The following PRKCD variants were observed in gnomAD, a reference collection of about 807,000 sequenced individuals.
The protein encoded by PRKCD is protein kinase C delta type.
PRKCD carries 20 observed loss-of-function variants against 82.2 expected under a neutral mutation model. The observed-to-expected ratio is 0.24, with a 90% CI of 0.17 to 0.35. The LOEUF (loss-of-function observed/expected upper bound fraction) is 0.35, where lower values mean the gene tolerates loss of function less well. PRKCD is among the 10% of genes least tolerant of loss of function. The pLI, the probability that PRKCD is intolerant of heterozygous loss-of-function variation, is 1.00. For missense variants in PRKCD, 607 were observed against 899.0 expected (o/e 0.68, Z 4.15); for synonymous variants, 317 against 337.0 (o/e 0.94, Z 0.65).
Position 53,169,089 on chromosome 3 carries a change from G to A in PRKCD, c.-20+3874G>A, listed in dbSNP as rs903648932. On this transcript the variant is annotated intron_variant, in intron 2 of 18. Transcript: ENST00000330452. The surrounding 1 kb of genome is among the most constrained non-coding windows in gnomAD (Gnocchi z 4.7). ...TTGAGACTTGAGGACAGGCTGCAGCGGCAGACGGGATGGCCTTATTGTGTG... is the reference window on the plus strand; with the variant it reads ...TTGAGACTTGAGGACAGGCTGCAGCAGCAGACGGGATGGCCTTATTGTGTG... Among the ~76,000 whole-genome samples the A allele has an allele frequency of 2.4e-4, 36 of 152,090 alleles. No individual in the cohort carries two copies. The highest frequency in any genetic ancestry group is 8.7e-4 in the African/African-American group (36 of 41,380).
intron 11 of PRKCD, 83 bp downstream of exon 11, chr3:53,185,783 A>C: frequency 6.5e-7 from 1 of 1,545,188 alleles, no homozygotes; most frequent in Non-Finnish European, 8.9e-7. Flanking sequence ...TCCATTGTCA[A>C]GTGAGACATG....
intron 9 of PRKCD, among the ~76,000 whole-genome samples, chr3:53,184,147 A>G (rs1310937418): frequency 6.6e-6 from 1 of 151,792 alleles, no homozygotes; most frequent in African/African-American, 2.4e-5. Flanking sequence ...CCTGGCTAAC[A>G]TGGTGAAACC....
intron 2 of PRKCD, among the ~76,000 whole-genome samples, chr3:53,177,396 T>C (rs781812378): frequency 2.4e-4 from 37 of 152,164 alleles, no homozygotes; most frequent in Non-Finnish European, 4.9e-4. Context: ...GGCACACTGA[T>C]GTGGGCAGAG....
chr3:53,192,420 T>A lies in PRKCD; in HGVS notation c.*154T>A, dbSNP rs1330029165. 1.3e-6 allele frequency: 1 copy of A among 785,832 alleles called. No homozygotes were observed. The highest frequency in any genetic ancestry group is 2.1e-6 in the Non-Finnish European group (1 of 486,336). The allele number at this position is 785,832 out of a possible 1,614,324, so 48.7% of individuals were successfully genotyped here. ...CCGTCTGGCCGGGCTCTCATGGTAC[T>A]TCCTCTGTGAACTGTGTGTGAATCT... On this transcript the variant is annotated 3_prime_UTR_variant, in exon 19 of 19. Transcript: ENST00000330452.
intron 1 of PRKCD, among the ~76,000 whole-genome samples, chr3:53,164,899 AC>A (rs1702785512): frequency 6.6e-6 from 1 of 152,148 alleles, no homozygotes; most frequent in East Asian, 1.9e-4. Flanking sequence ...TCCAGCCCCT[AC>A]CATGGAGTGG....
intron 2 of PRKCD, among the ~76,000 whole-genome samples, chr3:53,171,840 G>T (rs1218894384): frequency 1.3e-5 from 2 of 152,220 alleles, no homozygotes; most frequent in Non-Finnish European, 2.9e-5. Context: ...GGAGTGGGCA[G>T]TCTGGAAGGC....
intron 2 of PRKCD, among the ~76,000 whole-genome samples, chr3:53,170,374 A>G (rs1476360292): frequency 6.6e-6 from 1 of 152,202 alleles, no homozygotes; most frequent in African/African-American, 2.4e-5. Flanking sequence ...GTGAGCCTGG[A>G]GCTCAAGGAA....
rs782031827 is a variant in PRKCD at position 53,179,757 on chromosome 3, A to G, written c.296A>G (p.Asn99Ser). The G allele has an allele frequency of 1.9e-6, 3 of 1,569,734 alleles. No homozygotes were observed. Among genetic ancestry groups the G allele is most frequent in the East Asian group, 2.4e-5 (1 of 42,034 alleles). ...CTGGCCGAGCGCTGCAAGAAGAACA[A>G]TGGCAAGGCTGAGTTCTGGGTAAGG... ...SVLAERCKKNNGKAEFWLDLQ... is the reference protein window; with the variant it reads ...SVLAERCKKNSGKAEFWLDLQ... Residue 99 changes from asparagine to serine, a missense_variant, in exon 4 of 19, where the codon AAT (asparagine) becomes AGT (serine). Asn to Ser is a conservative substitution (Grantham distance 46, BLOSUM62 1). Coordinates refer to ENST00000330452, the MANE Select transcript of PRKCD (RefSeq NM_006254.4).
chr3:53,192,282 C>T lies in PRKCD; in HGVS notation c.*16C>T. 1 of 1,612,990 alleles carries T rather than the reference C, an allele frequency of 6.2e-7. No homozygotes were observed. The highest frequency in any genetic ancestry group is 8.5e-7 in the Non-Finnish European group (1 of 1,179,154). On this transcript the variant is annotated 3_prime_UTR_variant, in exon 19 of 19. Coordinates refer to ENST00000330452, the MANE Select transcript of PRKCD (RefSeq NM_006254.4). ...GGAAGATTGAGGTTCCTGGACAGATCAGGCTAGCCCTGCCCTCCACCCACA... is the reference window on the plus strand; with the variant it reads ...GGAAGATTGAGGTTCCTGGACAGATTAGGCTAGCCCTGCCCTCCACCCACA...
chr3:53,162,874 A>C (rs892354347), intron 1 of PRKCD, among the ~76,000 whole-genome samples: 8 of 151,192 alleles, frequency 5.3e-5, no homozygotes, highest in African/African-American at 1.9e-4. Flanking sequence ...CTCATGTGTG[A>C]GTGTATCTGT....
At chr3:53,181,132 G>C in intron 4 of PRKCD, 75 bp from the exon 5 acceptor site, 1 of 1,512,558 alleles carries the variant, frequency 6.6e-7, no homozygotes, top group Non-Finnish European at 9.0e-7. Context: ...CAGCCATGGG[G>C]GTGGGTTCTG....
chr3:53,178,446 C>T lies in PRKCD; in HGVS notation c.24C>T (p.Ala8=). The part of the protein sequence containing the change: MAPFLRI[A]FNSYELGSLQ... The stretch of plus-strand genomic sequence containing the variant: ...CCATGGCGCCGTTCCTGCGCATCGC[C>T]TTCAACTCCTATGAGCTGGGCTCCC... Residue 8 remains alanine, a synonymous_variant, in exon 3 of 19, where the codon GCC becomes GCT. Coordinates refer to ENST00000330452, the MANE Select transcript of PRKCD (RefSeq NM_006254.4). The T allele has an allele frequency of 1.9e-6, 3 of 1,612,762 alleles. 1 individual carries two copies. The South Asian group carries it at 3.3e-5, about 18-fold the overall frequency.
chr3:53,189,773 G>A (rs1327449047), intron 17 of PRKCD, 100 bp from the exon 18 acceptor site: 4 of 1,545,630 alleles, frequency 2.6e-6, no homozygotes, highest in Non-Finnish European at 3.5e-6. Flanking sequence ...CTGGGGCTGG[G>A]GCAAGCCTGG....
Position 53,185,958 on chromosome 3 carries a change from G to A in PRKCD, c.1017G>A (p.Glu339=). Residue 339 remains glutamate, a synonymous_variant, in exon 12 of 19, where the codon GAG becomes GAA. Coordinates refer to ENST00000330452, the MANE Select transcript of PRKCD (RefSeq NM_006254.4). ...GTGGGACCTACGGCAAGATCTGGGA[G>A]GGCAGCAGCAAGTGCAACATCAACA... ...DNSGTYGKIW[E]GSSKCNINNF... is the part of the protein sequence containing the mutation. The A allele has an allele frequency of 1.2e-6, 2 of 1,614,236 alleles. No individual in the cohort carries two copies. Among genetic ancestry groups the A allele is most frequent in the Non-Finnish European group, 1.7e-6 (2 of 1,180,036 alleles).
At chr3:53,179,544 TG>T (rs1253089022) in intron 3 of PRKCD, 32 bp from the exon 4 acceptor site, 1 of 1,613,488 alleles carries the variant, frequency 6.2e-7, no homozygotes, top group African/African-American at 1.3e-5. Flanking sequence ...AGAGGGGCCA[TG>T]GCCCAACCTT....
At chr3:53,176,101 C>A (rs1703204851) in intron 2 of PRKCD, among the ~76,000 whole-genome samples, 3 of 152,198 alleles carry the variant, frequency 2.0e-5, no homozygotes, top group African/African-American at 7.2e-5. Flanking sequence ...AGCAGCAGCC[C>A]CCAACTGGCC....
At chr3:53,187,651 T>C (rs1235945200) in intron 15 of PRKCD, among the ~76,000 whole-genome samples, 1 of 152,182 alleles carries the variant, frequency 6.6e-6, no homozygotes, top group Non-Finnish European at 1.5e-5. Flanking sequence ...CACCCATCCT[T>C]GGAGCCGTCA....
rs538643214 is a variant in PRKCD at position 53,162,794 on chromosome 3, C to T, written c.-132+1366C>T. ...TTGCACACTGGGTATATCATGGTGACCAACTGGCCATGAGTACGTTAGATC... is the reference window on the plus strand; with the variant it reads ...TTGCACACTGGGTATATCATGGTGATCAACTGGCCATGAGTACGTTAGATC... On this transcript the variant is annotated intron_variant, in intron 1 of 18. Coordinates refer to ENST00000330452, the MANE Select transcript of PRKCD (RefSeq NM_006254.4). 1.9e-4 allele frequency among the ~76,000 whole-genome samples: 29 copies of T among 151,254 alleles called. No homozygotes were observed. The South Asian group carries it at 4.2e-3, about 22-fold the overall frequency.
At chr3:53,170,574 T>C (rs1553664684) in intron 2 of PRKCD, among the ~76,000 whole-genome samples, 1 of 152,242 alleles carries the variant, frequency 6.6e-6, no homozygotes, top group Non-Finnish European at 1.5e-5. Flanking sequence ...ACTCCTTCCC[T>C]TACACACTTT....
Sources: gnomAD v4.1 joint callset for allele counts (sites outside exome capture counted in the v4.1 genomes callset) on GRCh38, gnomAD v4.1.1 for gene constraint, Gnocchi (gnomAD v3.1) non-coding constraint, MANE v1.5 for transcripts, NCBI Gene and HGNC (gene_info 2026-07-23, HGNC 2026-07-21) for gene names.